The following MEGF6 variants were observed in gnomAD, a reference collection of about 807,000 sequenced individuals.
The protein encoded by MEGF6 is multiple epidermal growth factor-like domains protein 6.
A neutral mutation model predicts 207.1 loss-of-function variants in MEGF6; 184 were observed. The ratio of observed to expected loss-of-function variants is 0.89; its 90% confidence interval spans 0.79 to 1.00. The LOEUF (loss-of-function observed/expected upper bound fraction) is 1.00. MEGF6 is among the 50% of genes least tolerant of loss of function. The pLI is 0.00. For missense variants in MEGF6, 2,282 were observed against 2,202.9 expected, an observed-to-expected ratio of 1.04 and a Z score of -0.72; for synonymous variants, 1,038 against 910.0, an observed-to-expected ratio of 1.14 and a Z score of -2.53.
At chr1:3,516,838 A>T (rs1253242905) in intron 5 of MEGF6, among the ~76,000 whole-genome samples, 1 of 152,150 alleles carries the variant, frequency 6.6e-6, no homozygotes. Flanking sequence ...CAGCCTTGGG[A>T]GGCTATTGGG....
In MEGF6 at chr1:3,494,415, G is replaced by A; in HGVS notation, c.4085C>T (p.Thr1362Ile). 6.5e-7 allele frequency: 1 copy of A among 1,548,292 alleles called. No individual in the cohort carries two copies. Among genetic ancestry groups the A allele is most frequent in the East Asian group, 2.4e-5 (1 of 40,924 alleles). ...ATAGAAGCCGGGGCCGCAGCGGCAG[G>A]TGCCCGTGGCAGGCTCACACGTGCT... is the stretch of plus-strand genomic sequence containing the variant. ...NNSTCEPATG[T>I]CRCGPGFYGQ... The change falls in exon 32 of 37, where the codon ACC becomes ATC. Residue 1362 changes from threonine to isoleucine, a missense_variant. Transcript: ENST00000356575.
chr1:3,498,892 C>T (rs996037220), intron 24 of MEGF6, 66 bp from the exon 25 acceptor site: 69 of 1,527,276 alleles, frequency 4.5e-5, no homozygotes, highest in Non-Finnish European at 4.1e-5. Flanking sequence ...GTCTGTCTGG[C>T]TTTCCAGCCC....
At chr1:3,607,737 T>G (rs1207852649) in intron 1 of MEGF6, among the ~76,000 whole-genome samples, 1 of 152,208 alleles carries the variant, frequency 6.6e-6, no homozygotes, top group Non-Finnish European at 1.5e-5. Flanking sequence ...GCCTCCCATC[T>G]GGGGGCGTGG....
chr1:3,515,117 A>C (rs1160138321), intron 6 of MEGF6, among the ~76,000 whole-genome samples: 1 of 152,172 alleles, frequency 6.6e-6, no homozygotes, highest in Non-Finnish European at 1.5e-5. Context: ...CGTCACCATC[A>C]GCAAAGCCCC....
At chr1:3,578,962 A>G (rs1643725190) in intron 4 of MEGF6, among the ~76,000 whole-genome samples, 1 of 151,988 alleles carries the variant, frequency 6.6e-6, no homozygotes, top group African/African-American at 2.4e-5. Context: ...GATTCATCCG[A>G]TTTCCTCGAA....
chr1:3,505,317 C>T lies in MEGF6; in HGVS notation c.2079G>A (p.Pro693=), dbSNP rs750626363. The change falls in exon 17 of 37, where the codon CCG becomes CCA. Residue 693 remains proline (P), a synonymous_variant. Coordinates refer to ENST00000356575, the MANE Select transcript of MEGF6 (RefSeq NM_001409.4). The part of the protein sequence containing the change: ...QAECELGYFG[P]GCWQACTCPV... ...GGCAGGTGCATGCCTGCCAGCACCC[C>T]GGCCCAAAGTAGCCCAGCTCACACT... 3.2e-5 allele frequency: 52 copies of T among 1,611,616 alleles called. No homozygotes were observed. The highest frequency in any genetic ancestry group is 3.3e-4 in the Middle Eastern group (2 of 6,080).
intron 36 of MEGF6, 67 bp downstream of exon 36, chr1:3,490,845 A>C: frequency 6.5e-7 from 1 of 1,526,786 alleles, no homozygotes; most frequent in South Asian, 1.2e-5. Context: ...ATACTTAAGC[A>C]CTCTTCGTTG....
In MEGF6 at chr1:3,514,608, G is replaced by A. The variant is rs371294784; in HGVS notation, c.795C>T (p.Leu265=). 5.8e-5 allele frequency: 91 copies of A among 1,579,826 alleles called. No homozygotes were observed. The highest frequency in any genetic ancestry group is 5.1e-4 in the East Asian group (22 of 43,254). The change falls in exon 7 of 37, where the codon CTC becomes CTT. Residue 265 remains leucine (L), a synonymous_variant. Coordinates refer to ENST00000356575, the MANE Select transcript of MEGF6 (RefSeq NM_001409.4). ...CMHRCQVVRG[L]ARCECHVGYQ... is the part of the protein sequence containing the mutation. ...AGCCCACGTGGCACTCACAGCGGGC[G>A]AGGCCCCGGACCACCTGGCACCTGT...
chr1:3,531,993 CT>C (rs1642193338), intron 4 of MEGF6, among the ~76,000 whole-genome samples: 1 of 152,362 alleles, frequency 6.6e-6, no homozygotes, highest in Middle Eastern at 3.4e-3. Context: ...CTGTCCTCCC[CT>C]GGCCCAGGGC....
At chr1:3,492,916 G>A (rs1244872365) in intron 34 of MEGF6, 149 bp from the exon 35 acceptor site, 19 of 1,097,180 alleles carry the variant, frequency 1.7e-5, no homozygotes, top group Non-Finnish European at 2.2e-5. Context: ...CTTGGGCCTC[G>A]GTTTCCCCTG....
intron 23 of MEGF6, 116 bp from the exon 24 acceptor site, chr1:3,499,382 C>A (rs1640753686): frequency 7.0e-7 from 1 of 1,434,040 alleles, no homozygotes; most frequent in Non-Finnish European, 9.3e-7. Context: ...ATGGCCAACT[C>A]TCCCCTCCCT....
At chr1:3,547,034 T>TGGG (rs760792918) in intron 4 of MEGF6, 69 of 153,646 alleles carry the variant, frequency 4.5e-4, no homozygotes, top group African/African-American at 1.7e-3. Context: ...AGCTGGTGGC[T>TGGG]GGGGGGGGGC....
At chr1:3,518,025 T>A (rs2101115831) in intron 5 of MEGF6, among the ~76,000 whole-genome samples, 1 of 152,348 alleles carries the variant, frequency 6.6e-6, no homozygotes, top group Non-Finnish European at 1.5e-5. Context: ...GGAGTCTTGT[T>A]CTGCCAAGGC....
chr1:3,513,627 G>A (rs1641432562), intron 7 of MEGF6, among the ~76,000 whole-genome samples: 1 of 112,636 alleles, frequency 8.9e-6, no homozygotes, highest in African/African-American at 3.6e-5. Flanking sequence ...ATCTTGCTCT[G>A]CCACCCAGGC....
chr1:3,517,701 C>T (rs1472473474), intron 5 of MEGF6, among the ~76,000 whole-genome samples: 1 of 152,216 alleles, frequency 6.6e-6, no homozygotes, highest in African/African-American at 2.4e-5. Context: ...AAGGCTCACA[C>T]CTGTTACAGC....
At chr1:3,575,243 TGC>T (rs576108348) in intron 4 of MEGF6, among the ~76,000 whole-genome samples, 14 of 152,088 alleles carry the variant, frequency 9.2e-5, no homozygotes, top group Non-Finnish European at 1.6e-4. Context: ...GGGACCCGGG[TGC>T]AAAGGCAGGA....
intron 4 of MEGF6, among the ~76,000 whole-genome samples, chr1:3,557,329 C>T (rs191890546): frequency 7.9e-4 from 121 of 152,338 alleles, no homozygotes; most frequent in African/African-American, 2.7e-3. Flanking sequence ...GAACCTTTAC[C>T]ATGAAAAACA....
chr1:3,573,968 C>A lies in MEGF6; in HGVS notation c.481+5857G>T, dbSNP rs570690199. On this transcript the variant is annotated intron_variant, in intron 4 of 36. Coordinates refer to ENST00000356575, the MANE Select transcript of MEGF6 (RefSeq NM_001409.4). This position sits in a 1 kb window ranked among gnomAD's most constrained non-coding sequence, Gnocchi z 5.1. ...ACACCACCCAGTCCTAGCCACCCAA[C>A]CTTCTCCAAGGCTCTGCTTCCTGGC... is the stretch of plus-strand genomic sequence containing the variant. 6.6e-6 allele frequency among the ~76,000 whole-genome samples: 1 copy of A among 152,330 alleles called. No individual in the cohort carries two copies. Among genetic ancestry groups the A allele is most frequent in the African/African-American group, 2.4e-5 (1 of 41,568 alleles).
intron 4 of MEGF6, among the ~76,000 whole-genome samples, chr1:3,528,533 A>G (rs959936171): frequency 1.3e-5 from 2 of 152,202 alleles, no homozygotes; most frequent in African/African-American, 4.8e-5. Flanking sequence ...ACCTTTGCAG[A>G]TGGGACTGAG....
Sources: gnomAD v4.1 joint callset for allele counts (sites outside exome capture counted in the v4.1 genomes callset) on GRCh38, gnomAD v4.1.1 for gene constraint, Gnocchi (gnomAD v3.1) non-coding constraint, MANE v1.5 for transcripts, NCBI Gene and HGNC (gene_info 2026-07-23, HGNC 2026-07-21) for gene names.